The following TIMP2 variants were observed in gnomAD, a reference collection of about 807,000 sequenced individuals.
The protein encoded by TIMP2 is metalloproteinase inhibitor 2.
TIMP2 carries 5 observed loss-of-function variants against 24.3 expected under a neutral mutation model. The ratio of observed to expected loss-of-function variants is 0.21; its 90% CI spans 0.11 to 0.43. The LOEUF (loss-of-function observed/expected upper bound fraction) is 0.43. Ranked by LOEUF, TIMP2 falls within the 20% of genes least tolerant of loss-of-function variation. TIMP2 has a pLI of 1.00. For missense variants in TIMP2, 221 were observed against 297.5 expected (o/e 0.74, Z 1.89); for synonymous variants, 130 against 123.2 (o/e 1.06, Z -0.37).
At chr17:78,907,005 C>T (rs1490884902) in intron 1 of TIMP2, among the ~76,000 whole-genome samples, 2 of 152,180 alleles carry the variant, frequency 1.3e-5, no homozygotes, top group Non-Finnish European at 2.9e-5. Context: ...TGGCTTTCAA[C>T]ACGCCTTCCT....
intron 1 of TIMP2, among the ~76,000 whole-genome samples, chr17:78,923,471 C>A (rs998496240): frequency 6.6e-6 from 1 of 151,614 alleles, no homozygotes; most frequent in Non-Finnish European, 1.5e-5. Flanking sequence ...CTTTTATCCA[C>A]AGCCTCCTTC....
At chr17:78,909,190 A>C (rs1303657745) in intron 1 of TIMP2, among the ~76,000 whole-genome samples, 1 of 152,096 alleles carries the variant, frequency 6.6e-6, no homozygotes, top group Non-Finnish European at 1.5e-5. Flanking sequence ...TCTAAACACA[A>C]AAGTAATTTT....
Position 78,925,081 on chromosome 17 carries a change from G to A in TIMP2, c.8C>T (p.Ala3Val), listed in dbSNP as rs1256421741. The A allele has an allele frequency of 1.1e-6, 1 of 927,890 alleles. No homozygotes were observed. Among genetic ancestry groups the A allele is most frequent in the Non-Finnish European group, 1.3e-6 (1 of 768,278 alleles). The allele number at this position is 927,890 out of a possible 1,614,324, so 57.5% of individuals were successfully genotyped here. The change falls in exon 1 of 5, where the codon GCC (alanine) becomes GTC (valine). Residue 3 changes from alanine (A) to valine (V), a missense_variant. Transcript: ENST00000262768. MG[A>V]AARTLRLALG... ...CGCCAGCCGCAGGGTGCGGGCCGCG[G>A]CGCCCATGGCGGGCCGGGGGGCTGG... is the stretch of plus-strand genomic sequence containing the variant.
At position 78,920,047 on chromosome 17, in the gene TIMP2, C is replaced by A. The variant is rs2145797805; in HGVS notation, c.130+4912G>T. 6.6e-6 allele frequency among the ~76,000 whole-genome samples: 1 copy of A among 152,294 alleles called. No homozygotes were observed. Among genetic ancestry groups the A allele is most frequent in the African/African-American group, 2.4e-5 (1 of 41,560 alleles). On this transcript the variant is annotated intron_variant, in intron 1 of 4. Coordinates refer to ENST00000262768, the MANE Select transcript of TIMP2 (RefSeq NM_003255.5). The surrounding 1 kb of genome is among the most constrained non-coding windows in gnomAD (Gnocchi z 4.5). ...TCCCTCCTCGCAGCTGCCTGGGAAG[C>A]CTCGGGCAGACCTCTTTGTTGTTTC...
chr17:78,874,059 T>C (rs1384936146), intron 1 of TIMP2, 140 bp from the exon 2 acceptor site: 2 of 641,726 alleles, frequency 3.1e-6, no homozygotes, highest in East Asian at 2.9e-5. Flanking sequence ...GCAAGGGGCA[T>C]GGTGATCCCA....
intron 2 of TIMP2, among the ~76,000 whole-genome samples, chr17:78,872,801 T>G (rs552007335): frequency 7.8e-4 from 119 of 152,234 alleles, no homozygotes; most frequent in African/African-American, 2.8e-3. Flanking sequence ...TCCACTGACC[T>G]TCTGATAACA....
rs74002607 is a variant in TIMP2 at position 78,879,146 on chromosome 17, A to G, written c.131-5227T>C. Among the ~76,000 whole-genome samples, 308 of 152,350 alleles carry G rather than the reference A, an allele frequency of 2.0e-3. 2 individuals are homozygous for G. The highest frequency in any genetic ancestry group is 6.9e-3 in the African/African-American group (287 of 41,584). On this transcript the variant is annotated intron_variant, in intron 1 of 4. Coordinates refer to ENST00000262768, the MANE Select transcript of TIMP2 (RefSeq NM_003255.5). ...AGGGTACAGGGTGAATCCTGCATAC[A>G]GCAGGCCTTGCCTGGGAGGAGCATC...
chr17:78,858,877 T>C lies in TIMP2; in HGVS notation c.341-1231A>G, dbSNP rs560434814. The stretch of plus-strand genomic sequence containing the variant: ...TCTAAAAAAAGGATAGAGACGATGT[T>C]TCACCATGTTGCCCAGGCTGGTCTT... On this transcript the variant is annotated intron_variant, in intron 3 of 4. Transcript: ENST00000262768. Among the ~76,000 whole-genome samples, 192 of 152,228 alleles carry C rather than the reference T, an allele frequency of 1.3e-3. 3 individuals are homozygous for C. In the South Asian group the frequency reaches 0.013, roughly 11 times the overall value.
At chr17:78,876,483 G>A (rs1356807922) in intron 1 of TIMP2, among the ~76,000 whole-genome samples, 29 of 152,078 alleles carry the variant, frequency 1.9e-4, no homozygotes, top group Admixed American at 1.8e-3. Context: ...AGGTAGCTGG[G>A]ATTACAGGTG....
At chr17:78,880,345 G>T (rs555116412) in intron 1 of TIMP2, among the ~76,000 whole-genome samples, 1 of 152,206 alleles carries the variant, frequency 6.6e-6, no homozygotes, top group East Asian at 1.9e-4. Context: ...CGGAAAATAA[G>T]AACAAGCCAT....
At chr17:78,918,979 CAAAA>C (rs11333582) in intron 1 of TIMP2, among the ~76,000 whole-genome samples, 4 of 148,378 alleles carry the variant, frequency 2.7e-5, no homozygotes, top group Non-Finnish European at 3.0e-5. Flanking sequence ...GACTCCGTCT[CAAAA>C]AAAAAAAAAA....
At chr17:78,919,610 G>A (rs923005827) in intron 1 of TIMP2, among the ~76,000 whole-genome samples, 9 of 152,252 alleles carry the variant, frequency 5.9e-5, no homozygotes, top group African/African-American at 1.4e-4. Context: ...CGAGGTGGGC[G>A]GATCACGAGG....
At chr17:78,858,436 G>C (rs1300966878) in intron 3 of TIMP2, among the ~76,000 whole-genome samples, 1 of 151,432 alleles carries the variant, frequency 6.6e-6, no homozygotes, top group South Asian at 2.1e-4. Flanking sequence ...GCGACAGAGC[G>C]AGACTCAGTC....
At chr17:78,915,633 C>T (rs551402543) in intron 1 of TIMP2, among the ~76,000 whole-genome samples, 1 of 152,194 alleles carries the variant, frequency 6.6e-6, no homozygotes, top group East Asian at 1.9e-4. Context: ...GATTCTCATG[C>T]CTCAGCCTCC....
chr17:78,898,681 CAGTT>C (rs924439886), intron 1 of TIMP2: 4 of 152,204 alleles, frequency 2.6e-5, no homozygotes, highest in South Asian at 2.1e-4. Context: ...ATCTTGTTAA[CAGTT>C]AGGCTCTGAT....
chr17:78,861,589 G>C (rs982781839), intron 3 of TIMP2, among the ~76,000 whole-genome samples: 1 of 151,574 alleles, frequency 6.6e-6, no homozygotes, highest in African/African-American at 2.4e-5. Flanking sequence ...GAGATGAAGT[G>C]AAAATTGTAT....
At chr17:78,917,852 G>A (rs1424308929) in intron 1 of TIMP2, among the ~76,000 whole-genome samples, 2 of 152,184 alleles carry the variant, frequency 1.3e-5, no homozygotes, top group African/African-American at 4.8e-5. Flanking sequence ...GCGGCCGAGT[G>A]CAGAATGAGG....
chr17:78,884,741 C>T (rs138462576), intron 1 of TIMP2, among the ~76,000 whole-genome samples: 202 of 152,326 alleles, frequency 1.3e-3, no homozygotes, highest in African/African-American at 4.6e-3. Flanking sequence ...CCCTCCGCCC[C>T]GTGTCTTCTT....
At chr17:78,871,078 A>G (rs780464347) in intron 2 of TIMP2, 72 bp from the exon 3 acceptor site, 17 of 1,331,812 alleles carry the variant, frequency 1.3e-5, no homozygotes, top group Non-Finnish European at 1.6e-5. Context: ...TCCCATCCAG[A>G]ACACCCTGGG....
Sources: allele counts gnomAD v4.1 joint callset (sites outside exome capture counted in the v4.1 genomes callset), GRCh38; gene constraint gnomAD v4.1.1; non-coding constraint Gnocchi (gnomAD v3.1); transcripts MANE v1.5; gene names NCBI Gene and HGNC (gene_info 2026-07-23, HGNC 2026-07-21).